GRIK1: variants seen among roughly 807,000 people sequenced by gnomAD.
GRIK1 encodes glutamate ionotropic receptor kainate type subunit 1.
In GRIK1, 69 loss-of-function variants were observed where a neutral mutation model predicts 105.7. That is an observed-to-expected ratio of 0.65 (90% CI 0.54 to 0.80). GRIK1 has a LOEUF of 0.80. Among genes scored for constraint, GRIK1 ranks in the 30% least tolerant of loss-of-function variants. The pLI is 0.00. For missense variants in GRIK1, 1,109 were observed against 1,167.3 expected (o/e 0.95, Z 0.73); for synonymous variants, 438 against 431.3 (o/e 1.02, Z -0.19).
chr21:29,768,060 A>G (rs187511911), intron 1 of GRIK1, among the ~76,000 whole-genome samples: 3 of 152,302 alleles, frequency 2.0e-5, no homozygotes, highest in Non-Finnish European at 2.9e-5. Flanking sequence ...ACGGTGTAGA[A>G]AGGAGCAAAA....
chr21:29,656,700 G>C (rs942207067), intron 4 of GRIK1, among the ~76,000 whole-genome samples: 1 of 152,158 alleles, frequency 6.6e-6, no homozygotes, highest in Non-Finnish European at 1.5e-5. Flanking sequence ...AGTTATCAGC[G>C]GTTCTGGAAG....
At chr21:29,867,811 A>AGAAAGAAAGAAT (rs558914006) in intron 1 of GRIK1, among the ~76,000 whole-genome samples, 1 of 122,704 alleles carries the variant, frequency 8.1e-6, no homozygotes, top group Non-Finnish European at 1.8e-5. Flanking sequence ...AAAGAAAGAA[A>AGAAAGAAAGAAT]GAAAGAATGA....
intron 14 of GRIK1, among the ~76,000 whole-genome samples, chr21:29,574,870 T>G (rs1173581419): frequency 6.6e-6 from 1 of 151,676 alleles, no homozygotes; most frequent in Non-Finnish European, 1.5e-5. Flanking sequence ...TTGTATTTTT[T>G]TTTTTAGTAG....
intron 3 of GRIK1, among the ~76,000 whole-genome samples, chr21:29,678,669 A>G (rs1230948555): frequency 6.6e-6 from 1 of 151,918 alleles, no homozygotes; most frequent in Non-Finnish European, 1.5e-5. Flanking sequence ...GTAATTTATC[A>G]TTTTTTTTGA....
chr21:29,706,806 C>A (rs1487687857), intron 1 of GRIK1, among the ~76,000 whole-genome samples: 4 of 152,220 alleles, frequency 2.6e-5, no homozygotes, highest in African/African-American at 9.7e-5. Context: ...GTCCACTTGA[C>A]TGCTCAATGC....
At chr21:29,854,569 A>G (rs766169932) in intron 1 of GRIK1, among the ~76,000 whole-genome samples, 6 of 152,210 alleles carry the variant, frequency 3.9e-5, no homozygotes, top group Non-Finnish European at 7.3e-5. Flanking sequence ...TGAGGTAGAC[A>G]AAATTCCCAG....
At chr21:29,806,894 A>G (rs1364996443) in intron 1 of GRIK1, among the ~76,000 whole-genome samples, 2 of 152,206 alleles carry the variant, frequency 1.3e-5, no homozygotes, top group African/African-American at 4.8e-5. Context: ...TAGAAGTTTT[A>G]CAAAAAATAT....
At chr21:29,918,303 G>C (rs1249162563) in intron 1 of GRIK1, among the ~76,000 whole-genome samples, 1 of 152,042 alleles carries the variant, frequency 6.6e-6, no homozygotes, top group Non-Finnish European at 1.5e-5. Flanking sequence ...ACATTCCCAA[G>C]CACTGTACTA....
chr21:29,934,549 T>C (rs376138923), intron 1 of GRIK1, among the ~76,000 whole-genome samples: 1 of 152,336 alleles, frequency 6.6e-6, no homozygotes, highest in African/African-American at 2.4e-5. Context: ...CTCTTGCTTT[T>C]AGTTATTCCA....
intron 7 of GRIK1, among the ~76,000 whole-genome samples, chr21:29,631,673 C>G (rs1405080003): frequency 1.3e-5 from 2 of 152,020 alleles, no homozygotes; most frequent in African/African-American, 4.8e-5. Context: ...GTAAAAGACA[C>G]AGTGGATTAA....
intron 1 of GRIK1, among the ~76,000 whole-genome samples, chr21:29,929,903 C>T (rs965199197): frequency 6.6e-6 from 1 of 152,156 alleles, no homozygotes; most frequent in African/African-American, 2.4e-5. Context: ...AGCCAAGATG[C>T]AGAGTCAACC....
At chr21:29,894,345 G>C (rs1240817119) in intron 1 of GRIK1, among the ~76,000 whole-genome samples, 1 of 152,128 alleles carries the variant, frequency 6.6e-6, no homozygotes, top group Non-Finnish European at 1.5e-5. Flanking sequence ...AGGCCCAAGA[G>C]CCCCTGGAAA....
chr21:29,766,093 G>C (rs1027562941), intron 1 of GRIK1, among the ~76,000 whole-genome samples: 10 of 152,036 alleles, frequency 6.6e-5, no homozygotes, highest in East Asian at 1.9e-4. Context: ...TCGTGATCCG[G>C]CCGCCTTGGC....
intron 16 of GRIK1, among the ~76,000 whole-genome samples, chr21:29,548,192 T>C (rs149378698): frequency 6.6e-6 from 1 of 152,330 alleles, no homozygotes; most frequent in African/African-American, 2.4e-5. Flanking sequence ...CACACATTGT[T>C]GTGTACTTTG....
rs1167892981 is a variant in GRIK1, at chr21:29,712,062, A to G, written c.119-17999T>C. On this transcript the variant is annotated intron_variant, in intron 1 of 17. Transcript: ENST00000327783. ...TAAATATGTGTGTGTGTATACGTATATAAGTATATGTATACATACATACAC... is the reference window on the plus strand; with the variant it reads ...TAAATATGTGTGTGTGTATACGTATGTAAGTATATGTATACATACATACAC... Among the ~76,000 whole-genome samples the G allele has an allele frequency of 4.8e-5, 7 of 145,836 alleles. No individual in the cohort carries two copies. The South Asian group carries it at 1.3e-3, about 28-fold the overall frequency.
intron 13 of GRIK1, among the ~76,000 whole-genome samples, chr21:29,580,754 C>T (rs2091008791): frequency 6.6e-6 from 1 of 151,516 alleles, no homozygotes; most frequent in Non-Finnish European, 1.5e-5. Context: ...GACATTGAAG[C>T]TGAAAAAAAA....
chr21:29,785,694 G>C (rs1056625914), intron 1 of GRIK1, among the ~76,000 whole-genome samples: 1 of 152,110 alleles, frequency 6.6e-6, no homozygotes, highest in Non-Finnish European at 1.5e-5. Flanking sequence ...TTGTTCCCTG[G>C]GCATAGATTC....
chr21:29,886,179 A>C (rs1483004170), intron 1 of GRIK1, among the ~76,000 whole-genome samples: 2 of 152,184 alleles, frequency 1.3e-5, no homozygotes, highest in Non-Finnish European at 2.9e-5. Flanking sequence ...ACATGAGATT[A>C]GCTGAACAGA....
intron 1 of GRIK1, among the ~76,000 whole-genome samples, chr21:29,924,713 A>G (rs1461494477): frequency 6.6e-6 from 1 of 152,148 alleles, no homozygotes; most frequent in Non-Finnish European, 1.5e-5. Context: ...AACTATTTGC[A>G]AGAATTTTCT....
Sources: allele counts gnomAD v4.1 joint callset (sites outside exome capture counted in the v4.1 genomes callset), GRCh38; gene constraint gnomAD v4.1.1; transcripts MANE v1.5; gene names NCBI Gene and HGNC (gene_info 2026-07-23, HGNC 2026-07-21).